The following SCN9A variants were observed in gnomAD, a reference collection of about 807,000 sequenced individuals.
SCN9A encodes the protein sodium voltage-gated channel alpha subunit 9, also known as sodium channel protein type 9 subunit alpha.
A neutral mutation model predicts 187.0 loss-of-function variants in SCN9A; 131 were observed. The observed-to-expected ratio is 0.70, with a 90% confidence interval of 0.61 to 0.81. The LOEUF (loss-of-function observed/expected upper bound fraction) is 0.81, where lower values mean the gene tolerates loss of function less well. SCN9A is among the 30% of genes least tolerant of loss of function. The pLI is 0.00. For missense variants in SCN9A, 2,252 were observed against 2,396.6 expected, an observed-to-expected ratio of 0.94 and a Z score of 1.26; for synonymous variants, 809 against 808.6, an observed-to-expected ratio of 1.00 and a Z score of -0.01.
chr2:166,303,295 C>T lies in SCN9A; in HGVS notation c.696G>A (p.Lys232=). ...LKTISVIPGL[K]TIVGALIQSV... ...ACTGGATCAAAGCCCCTACAATTGT[C>T]TTCAGGCCTGAAAATGGGAGAAAAA... The change falls in exon 7 of 27, where the codon AAG becomes AAA. Residue 232 remains lysine (K), a synonymous_variant. Transcript: ENST00000642356. 6.2e-7 allele frequency: 1 copy of T among 1,611,900 alleles called. No homozygotes were observed. Among genetic ancestry groups the T allele is most frequent in the Non-Finnish European group, 8.5e-7 (1 of 1,179,260 alleles).
At chr2:166,298,336 A>G (rs12478712) in intron 7 of SCN9A, among the ~76,000 whole-genome samples, 20 of 152,340 alleles carry the variant, frequency 1.3e-4, no homozygotes, top group Admixed American at 1.3e-3. Context: ...TTTCTCCATA[A>G]TACTGCACAT....
intron 10 of SCN9A, 43 bp downstream of exon 10, chr2:166,288,394 G>T (rs201197106): frequency 4.6e-6 from 7 of 1,508,356 alleles, no homozygotes; most frequent in Non-Finnish European, 6.4e-6. Flanking sequence ...GTAACCGTTT[G>T]CATTTCTACC....
intron 12 of SCN9A, 67 bp from the exon 13 acceptor site, chr2:166,281,875 C>T: frequency 6.8e-7 from 1 of 1,466,668 alleles, no homozygotes; most frequent in Non-Finnish European, 9.2e-7. Flanking sequence ...AAGATAAAAT[C>T]TTGCTTATAT....
At position 166,357,255 on chromosome 2, in the gene SCN9A, C is replaced by T. The variant is rs529320212; in HGVS notation, c.-51+18442G>A. Among the ~76,000 whole-genome samples, 14 of 152,270 alleles carry T rather than the reference C, an allele frequency of 9.2e-5. No homozygotes were observed. The Middle Eastern group carries it at 0.014, about 148-fold the overall frequency. ...CGGTATTTTATTTGTAAGACAAATG[C>T]TTCAGAGTGAAATTGCTGAGTCATA... is the stretch of plus-strand genomic sequence containing the variant. On this transcript the variant is annotated intron_variant, in intron 1 of 26. Coordinates refer to ENST00000642356, the MANE Select transcript of SCN9A (RefSeq NM_001365536.1).
In SCN9A at chr2:166,332,871, C is replaced by T. The variant is rs193298128; in HGVS notation, c.-50-21065G>A. On this transcript the variant is annotated intron_variant, in intron 1 of 26. Coordinates refer to ENST00000642356, the MANE Select transcript of SCN9A (RefSeq NM_001365536.1). Reference sequence around the variant, plus strand: ...TGCAGGACCATAAGCCTTCCATAAGCAACCTGATGATGCTAACTTACTACA... The same window carrying T: ...TGCAGGACCATAAGCCTTCCATAAGTAACCTGATGATGCTAACTTACTACA... 3.6e-3 allele frequency among the ~76,000 whole-genome samples: 549 copies of T among 151,906 alleles called. 3 individuals carry two copies. The highest frequency in any genetic ancestry group is 6.8e-3 in the Admixed American group (103 of 15,224).
intron 18 of SCN9A, among the ~76,000 whole-genome samples, chr2:166,247,629 GC>G (rs1469346747): frequency 6.6e-6 from 1 of 152,058 alleles, no homozygotes; most frequent in African/African-American, 2.4e-5. Context: ...CGATTCTCCT[GC>G]CTCAGCCTCT....
At chr2:166,355,524 T>A (rs1479875295) in intron 1 of SCN9A, among the ~76,000 whole-genome samples, 5 of 152,070 alleles carry the variant, frequency 3.3e-5, no homozygotes, top group Non-Finnish European at 7.4e-5. Context: ...TGTGTGTGGG[T>A]GTGTGTGCAC....
At chr2:166,349,706 C>G (rs181864169) in intron 1 of SCN9A, among the ~76,000 whole-genome samples, 1 of 152,266 alleles carries the variant, frequency 6.6e-6, no homozygotes, top group African/African-American at 2.4e-5. Context: ...GGCATGGTGG[C>G]TCACGCCTGT....
intron 24 of SCN9A, among the ~76,000 whole-genome samples, chr2:166,212,011 T>C (rs1417469250): frequency 6.6e-6 from 1 of 152,238 alleles, no homozygotes; most frequent in Non-Finnish European, 1.5e-5. Context: ...GATCCAGTTA[T>C]ATGCTGTCTC....
chr2:166,278,792 G>A (rs1345257711), intron 14 of SCN9A, among the ~76,000 whole-genome samples: 2 of 152,120 alleles, frequency 1.3e-5, no homozygotes, highest in Non-Finnish European at 2.9e-5. Context: ...AGAGAAAAAA[G>A]TATTTAATTG....
At position 166,213,741 on chromosome 2, in the gene SCN9A, T is replaced by C. The variant is rs190693024; in HGVS notation, c.4399-9277A>G. ...GAAGGAAGTGACTTCAGCAACATTG[T>C]GGAATAGGAGGTTTATGACTATTTT... On this transcript the variant is annotated intron_variant, in intron 24 of 26. Coordinates refer to ENST00000642356, the MANE Select transcript of SCN9A (RefSeq NM_001365536.1). Among the ~76,000 whole-genome samples, 665 of 152,126 alleles carry C rather than the reference T, an allele frequency of 4.4e-3. 2 individuals are homozygous for C. The highest frequency in any genetic ancestry group is 5.3e-3 in the Non-Finnish European group (360 of 67,982).
chr2:166,338,069 G>A (rs553815137), intron 1 of SCN9A, among the ~76,000 whole-genome samples: 5 of 152,230 alleles, frequency 3.3e-5, no homozygotes, highest in East Asian at 3.9e-4. Flanking sequence ...TTCAAACGGA[G>A]GAGTAGTGCC....
intron 1 of SCN9A, among the ~76,000 whole-genome samples, chr2:166,354,934 A>G (rs17766243): frequency 0.4 from 60,995 of 151,908 alleles, 13,179 homozygotes; most frequent in Non-Finnish European, 0.48. Context: ...AACCTATTCC[A>G]AGAAAATTAC....
At chr2:166,247,065 A>G (rs568993387) in intron 18 of SCN9A, among the ~76,000 whole-genome samples, 1 of 146,436 alleles carries the variant, frequency 6.8e-6, no homozygotes, top group East Asian at 2.1e-4. Flanking sequence ...CAGTGAGTAA[A>G]TGCTATTTCT....
intron 17 of SCN9A, among the ~76,000 whole-genome samples, chr2:166,266,169 T>C (rs1185907731): frequency 1.3e-5 from 2 of 152,092 alleles, no homozygotes; most frequent in South Asian, 2.1e-4. Flanking sequence ...TCCCCCTGTT[T>C]TTTTTCTTCT....
At chr2:166,224,587 C>CT (rs1268840037) in intron 24 of SCN9A, among the ~76,000 whole-genome samples, 2 of 152,120 alleles carry the variant, frequency 1.3e-5, no homozygotes, top group Non-Finnish European at 2.9e-5. Flanking sequence ...AATTAGACTC[C>CT]TTTATCTCTT....
At chr2:166,223,497 T>A (rs1158420718) in intron 24 of SCN9A, among the ~76,000 whole-genome samples, 1 of 152,210 alleles carries the variant, frequency 6.6e-6, no homozygotes, top group South Asian at 2.1e-4. Context: ...ATTGCATAAT[T>A]CCACTTCGGT....
intron 1 of SCN9A, among the ~76,000 whole-genome samples, chr2:166,319,205 G>C (rs891027539): frequency 6.6e-6 from 1 of 151,954 alleles, no homozygotes; most frequent in Admixed American, 6.6e-5. Flanking sequence ...TGTGATGAGA[G>C]AAAATATTTT....
intron 8 of SCN9A, 39 bp from the exon 9 acceptor site, chr2:166,293,411 C>T: frequency 6.5e-7 from 1 of 1,532,534 alleles, no homozygotes; most frequent in Non-Finnish European, 8.8e-7. Flanking sequence ...AGAGTGTCTT[C>T]AGGACACAAG....
Sources: gnomAD v4.1 joint callset for allele counts (sites outside exome capture counted in the v4.1 genomes callset) on GRCh38, gnomAD v4.1.1 for gene constraint, MANE v1.5 for transcripts, NCBI Gene and HGNC (gene_info 2026-07-23, HGNC 2026-07-21) for gene names.